The following STAG1 variants were observed in gnomAD, a reference collection of about 807,000 sequenced individuals.
The protein encoded by STAG1 is STAG1 cohesin complex component.
A neutral mutation model predicts 170.9 loss-of-function variants in STAG1; 26 were observed. The observed-to-expected ratio is 0.15, with a 90% CI of 0.11 to 0.21. STAG1 has a LOEUF of 0.21. Among genes scored for constraint, STAG1 ranks in the 10% least tolerant of loss-of-function variants. STAG1 has a pLI of 1.00. For missense variants in STAG1, 964 were observed against 1,509.5 expected, an observed-to-expected ratio of 0.64 and a Z score of 5.99; for synonymous variants, 514 against 497.7, an observed-to-expected ratio of 1.03 and a Z score of -0.44.
At chr3:136,382,644 T>G (rs1396576307) in intron 22 of STAG1, among the ~76,000 whole-genome samples, 1 of 151,948 alleles carries the variant, frequency 6.6e-6, no homozygotes, top group African/African-American at 2.4e-5. Flanking sequence ...CTCCTGACCT[T>G]AGGTGATCTA....
intron 16 of STAG1, among the ~76,000 whole-genome samples, chr3:136,426,659 C>T (rs1158482800): frequency 1.3e-5 from 2 of 152,114 alleles, no homozygotes; most frequent in East Asian, 3.9e-4. Context: ...AGTATCGTGG[C>T]TAGGAATGGT....
intron 24 of STAG1, among the ~76,000 whole-genome samples, chr3:136,367,733 T>C (rs760593501): frequency 6.6e-6 from 1 of 152,138 alleles, no homozygotes. Flanking sequence ...ATCCTAAACA[T>C]GGTTACATTA....
chr3:136,471,022 T>C (rs971216203), intron 12 of STAG1, among the ~76,000 whole-genome samples: 10 of 151,512 alleles, frequency 6.6e-5, no homozygotes, highest in Non-Finnish European at 1.0e-4. Context: ...ATATACCTAA[T>C]GTAAATGACG....
chr3:136,464,811 C>T, intron 13 of STAG1, 70 bp downstream of exon 13: 1 of 1,334,328 alleles, frequency 7.5e-7, no homozygotes, highest in South Asian at 1.3e-5. Flanking sequence ...TTACTCTCTT[C>T]TACAAACTCT....
intron 27 of STAG1, 132 bp downstream of exon 27, chr3:136,359,016 T>C (rs1391864137): frequency 1.1e-4 from 77 of 726,310 alleles, no homozygotes; most frequent in Non-Finnish European, 9.7e-5. Context: ...CAGTTTAGAA[T>C]CTCTAAACTA....
intron 15 of STAG1, among the ~76,000 whole-genome samples, chr3:136,434,079 C>A (rs923314448): frequency 3.3e-5 from 5 of 152,078 alleles, no homozygotes; most frequent in Admixed American, 3.3e-4. Context: ...TACTATCTAA[C>A]GTATGTACCA....
At chr3:136,745,232 G>A (rs1339948880) in intron 1 of STAG1, among the ~76,000 whole-genome samples, 1 of 152,024 alleles carries the variant, frequency 6.6e-6, no homozygotes, top group Admixed American at 6.6e-5. Context: ...TAGCACAAAG[G>A]AATGTATTTC....
chr3:136,347,551 A>G (rs1309462322), intron 29 of STAG1, among the ~76,000 whole-genome samples: 1 of 152,194 alleles, frequency 6.6e-6, no homozygotes, highest in Non-Finnish European at 1.5e-5. Flanking sequence ...AGGAAATCTT[A>G]AACTTTGTGG....
At chr3:136,347,737 G>C (rs116069777) in intron 29 of STAG1, among the ~76,000 whole-genome samples, 1 of 152,308 alleles carries the variant, frequency 6.6e-6, no homozygotes, top group South Asian at 2.1e-4. Context: ...ATAACGTTCA[G>C]ATAATTTATT....
intron 24 of STAG1, among the ~76,000 whole-genome samples, chr3:136,367,907 AGACTC>A (rs1425241664): frequency 6.6e-6 from 1 of 152,182 alleles, no homozygotes; most frequent in Non-Finnish European, 1.5e-5. Flanking sequence ...CATGCCAACA[AGACTC>A]CAGATGATAA....
chr3:136,604,733 A>C (rs1938853174), intron 3 of STAG1, among the ~76,000 whole-genome samples: 1 of 152,050 alleles, frequency 6.6e-6, no homozygotes, highest in South Asian at 2.1e-4. Flanking sequence ...TCACTGCAGC[A>C]TCCTCCTCCC....
At chr3:136,536,270 A>C (rs1935617193) in intron 6 of STAG1, among the ~76,000 whole-genome samples, 1 of 152,204 alleles carries the variant, frequency 6.6e-6, no homozygotes. Flanking sequence ...CTACTAGTAC[A>C]ATTCTATAAC....
intron 1 of STAG1, among the ~76,000 whole-genome samples, chr3:136,717,263 C>G (rs1943567236): frequency 6.6e-6 from 1 of 152,174 alleles, no homozygotes; most frequent in African/African-American, 2.4e-5. Context: ...AAAAGCAGAG[C>G]TGCCTATATA....
intron 16 of STAG1, among the ~76,000 whole-genome samples, chr3:136,427,173 G>T (rs886492287): frequency 6.7e-6 from 1 of 149,698 alleles, no homozygotes; most frequent in Non-Finnish European, 1.5e-5. Context: ...ATGTTGAAGT[G>T]AGCCGAGATC....
chr3:136,736,418 G>A (rs1934336875), intron 1 of STAG1: 1 of 1,021,816 alleles, frequency 9.8e-7, no homozygotes, highest in South Asian at 1.3e-5. Flanking sequence ...GGTGGAAGTG[G>A]GAGGAAAGAA....
intron 1 of STAG1, among the ~76,000 whole-genome samples, chr3:136,689,139 A>G (rs1327100651): frequency 6.6e-6 from 1 of 152,274 alleles, no homozygotes; most frequent in African/African-American, 2.4e-5. Flanking sequence ...TTTCTCAAGA[A>G]TAATTTTGGC....
chr3:136,605,041 T>A (rs535935943), intron 3 of STAG1, among the ~76,000 whole-genome samples: 1 of 152,200 alleles, frequency 6.6e-6, no homozygotes, highest in Non-Finnish European at 1.5e-5. Flanking sequence ...TCCTTCTGCA[T>A]ACATTCATTG....
intron 9 of STAG1, among the ~76,000 whole-genome samples, chr3:136,499,554 T>C (rs1933353789): frequency 6.6e-6 from 1 of 152,172 alleles, no homozygotes; most frequent in Non-Finnish European, 1.5e-5. Context: ...ACACATCACA[T>C]CTAATCAACA....
intron 10 of STAG1, among the ~76,000 whole-genome samples, chr3:136,475,672 C>G (rs949184392): frequency 1.3e-5 from 2 of 152,122 alleles, no homozygotes; most frequent in African/African-American, 4.8e-5. Flanking sequence ...TGACGTAGGA[C>G]AGCAGTTTGT....
Sources: allele counts gnomAD v4.1 joint callset (sites outside exome capture counted in the v4.1 genomes callset), GRCh38; gene constraint gnomAD v4.1.1; transcripts MANE v1.5; gene names NCBI Gene and HGNC (gene_info 2026-07-23, HGNC 2026-07-21).